Variants in NHSL1 observed in about 807,000 individuals in gnomAD.
NHSL1 encodes NHS-like protein 1.
NHSL1 carries 48 observed loss-of-function variants against 95.0 expected under a neutral mutation model. That is an observed-to-expected ratio of 0.51 (90% CI 0.40 to 0.64). The LOEUF (loss-of-function observed/expected upper bound fraction) is 0.64. NHSL1 is among the 30% of genes least tolerant of loss of function. NHSL1 has a pLI of 0.00. For missense variants in NHSL1, 1,971 were observed against 2,077.7 expected, an observed-to-expected ratio of 0.95 and a Z score of 1.00; for synonymous variants, 783 against 833.9, an observed-to-expected ratio of 0.94 and a Z score of 1.05.
intron 1 of NHSL1, among the ~76,000 whole-genome samples, chr6:138,685,739 G>T (rs1785577284): frequency 6.6e-6 from 1 of 151,636 alleles, no homozygotes; most frequent in African/African-American, 2.4e-5. Flanking sequence ...GAGTCATGAA[G>T]AGTTTATTTC....
At chr6:138,450,981 C>G (rs969883386) in intron 3 of NHSL1, among the ~76,000 whole-genome samples, 1 of 152,162 alleles carries the variant, frequency 6.6e-6, no homozygotes, top group Non-Finnish European at 1.5e-5. Context: ...CCCTTGTTGA[C>G]CATCCTCCCC....
chr6:138,488,241 G>A (rs989535024), intron 2 of NHSL1, among the ~76,000 whole-genome samples: 1 of 151,706 alleles, frequency 6.6e-6, no homozygotes, highest in African/African-American at 2.4e-5. Context: ...TCACACCACT[G>A]CACTCCAGCC....
intron 1 of NHSL1, among the ~76,000 whole-genome samples, chr6:138,639,138 T>C (rs554213384): frequency 1.3e-5 from 2 of 152,360 alleles, no homozygotes; most frequent in Non-Finnish European, 2.9e-5. Flanking sequence ...AAGGAATGTA[T>C]TATTTTTTTA....
intron 1 of NHSL1, among the ~76,000 whole-genome samples, chr6:138,661,128 T>C (rs1420589540): frequency 6.6e-6 from 1 of 152,212 alleles, no homozygotes; most frequent in Non-Finnish European, 1.5e-5. Flanking sequence ...TTTTTTTATG[T>C]ATGTGTATGG....
rs1297215342 is a variant in NHSL1, at chr6:138,513,802, CA to C, written c.17-17432del. Among the ~76,000 whole-genome samples, 5 of 152,212 alleles carry C rather than the reference CA, an allele frequency of 3.3e-5. No individual in the cohort carries two copies. In the East Asian group the frequency reaches 5.8e-4, roughly 18 times the overall value. ...CGAAACCTATACTTTTCTTCTATAT[CA>C]CTACTACTTGTAGTGATTTGTTCAA... On this transcript the variant is annotated intron_variant, in intron 1 of 4. Coordinates refer to the NHSL1 transcript ENST00000342260.
chr6:138,674,208 T>C (rs1785417839), intron 1 of NHSL1, among the ~76,000 whole-genome samples: 1 of 152,226 alleles, frequency 6.6e-6, no homozygotes, highest in Non-Finnish European at 1.5e-5. Context: ...TTTAATTTAC[T>C]GAGAGTTTTT....
intron 1 of NHSL1, among the ~76,000 whole-genome samples, chr6:138,651,917 CTAAATT>C (rs1209974953): frequency 6.6e-6 from 1 of 151,906 alleles, no homozygotes; most frequent in Non-Finnish European, 1.5e-5. Context: ...ATAATTTTAC[CTAAATT>C]TAAAGTAACA....
intron 1 of NHSL1, among the ~76,000 whole-genome samples, chr6:138,598,094 G>A (rs1784324195): frequency 6.6e-6 from 1 of 151,938 alleles, no homozygotes; most frequent in Non-Finnish European, 1.5e-5. Context: ...GGAGCCAGGA[G>A]TTCAGGACCA....
chr6:138,471,743 A>G (rs1290827535), intron 3 of NHSL1, among the ~76,000 whole-genome samples: 7 of 152,156 alleles, frequency 4.6e-5, no homozygotes, highest in African/African-American at 1.4e-4. Context: ...AAGAGTGTAA[A>G]TTTCAAATGT....
chr6:138,671,450 C>CAAA (rs549060407), intron 1 of NHSL1, among the ~76,000 whole-genome samples: 1 of 106,256 alleles, frequency 9.4e-6, no homozygotes. Flanking sequence ...AATCTGTCTC[C>CAAA]AAAAAAAAAA....
At chr6:138,591,225 A>G (rs2114524363) in intron 1 of NHSL1, among the ~76,000 whole-genome samples, 1 of 152,340 alleles carries the variant, frequency 6.6e-6, no homozygotes, top group East Asian at 1.9e-4. Flanking sequence ...GGTGCTAAAT[A>G]TTACACTGTG....
At position 138,433,107 on chromosome 6, in the gene NHSL1, A is replaced by G; in HGVS notation, c.1238T>C (p.Ile413Thr). Residue 413 changes from isoleucine (I) to threonine (T), a missense_variant, in exon 6 of 8, where the codon ATC becomes ACC. Around this residue, in one of 3 missense-constraint regions of NHSL1, gnomAD observed 1,602 missense variants for 1,654.5 expected, o/e 0.97. Coordinates refer to ENST00000343505, the MANE Select transcript of NHSL1 (RefSeq NM_001144060.2). ...AGAGGAAGACAGTGTGGCATTTGGG[A>G]TGATGCTGGTGGAGTAGGTTGCATG... Reference protein sequence around the residue: ...SPHATYSTSIIPNATLSSSSE... With the variant: ...SPHATYSTSITPNATLSSSSE... 1 of 1,550,944 alleles carries G rather than the reference A, an allele frequency of 6.4e-7. No individual in the cohort carries two copies. Among genetic ancestry groups the G allele is most frequent in the Non-Finnish European group, 8.7e-7 (1 of 1,146,898 alleles).
At chr6:138,527,983 ACTTTT>A (rs1241383008) in intron 1 of NHSL1, among the ~76,000 whole-genome samples, 1 of 152,146 alleles carries the variant, frequency 6.6e-6, no homozygotes, top group Non-Finnish European at 1.5e-5. Flanking sequence ...CGAATGCCAG[ACTTTT>A]CTTTTCATTT....
At position 138,424,451 on chromosome 6, in the gene NHSL1, C is replaced by T. The variant is rs774540699; in HGVS notation, c.4451G>A (p.Gly1484Asp). The T allele has an allele frequency of 6.4e-7, 1 of 1,550,800 alleles. No homozygotes were observed. The highest frequency in any genetic ancestry group is 8.7e-7 in the Non-Finnish European group (1 of 1,146,454). ...RAQEEWAKNE[G>D]LMPRSLSFSG... is the part of the protein sequence containing the mutation. ...AAAGGACAGACTCCGAGGCATCAAG[C>T]CTTCGTTCTTGGCCCACTCCTCCTG... is the stretch of plus-strand genomic sequence containing the variant. The change falls in exon 8 of 8, where the codon GGC (glycine) becomes GAC (aspartate). Residue 1484 changes from glycine to aspartate, a missense_variant. This residue lies in a region of NHSL1 where 223 missense variants were observed against 217.0 expected (regional missense o/e 1.03). Transcript: ENST00000343505. This position sits in a 1 kb window ranked among gnomAD's most constrained non-coding sequence, Gnocchi z 5.9.
intron 1 of NHSL1, among the ~76,000 whole-genome samples, chr6:138,617,428 GTTTC>G (rs1229358757): frequency 6.6e-6 from 1 of 152,182 alleles, no homozygotes; most frequent in Non-Finnish European, 1.5e-5. Flanking sequence ...GAAAAGGTCA[GTTTC>G]TTTGTCTCAC....
At chr6:138,614,071 G>C (rs923916338) in intron 1 of NHSL1, among the ~76,000 whole-genome samples, 5 of 152,152 alleles carry the variant, frequency 3.3e-5, no homozygotes, top group African/African-American at 1.2e-4. Flanking sequence ...TTGATGTTTG[G>C]GGGAATGATA....
chr6:138,484,573 C>T (rs1349337228), intron 2 of NHSL1, among the ~76,000 whole-genome samples: 1 of 152,158 alleles, frequency 6.6e-6, no homozygotes, highest in African/African-American at 2.4e-5. Context: ...TGCATTAACA[C>T]ATTTTAGAAA....
chr6:138,431,732 T>C lies in NHSL1; in HGVS notation c.2613A>G (p.Ser871=). The change falls in exon 6 of 8, where the codon TCA becomes TCG. Residue 871 remains serine, a synonymous_variant. Transcript: ENST00000343505. The surrounding 1 kb of genome is among the most constrained non-coding windows in gnomAD (Gnocchi z 4.0). ...TCCCCTTCCCGTTTGCTGGTGACACTGATTTTAAAAACACAGGCACAGGGG... is the reference window on the plus strand; with the variant it reads ...TCCCCTTCCCGTTTGCTGGTGACACCGATTTTAAAAACACAGGCACAGGGG... ...ALTPVPVFLK[S]VSPANGKGKP... The C allele has an allele frequency of 6.4e-7, 1 of 1,551,754 alleles. No individual in the cohort carries two copies. The highest frequency in any genetic ancestry group is 8.7e-7 in the Non-Finnish European group (1 of 1,146,974).
At chr6:138,527,988 T>A (rs916895184) in intron 1 of NHSL1, among the ~76,000 whole-genome samples, 3 of 152,208 alleles carry the variant, frequency 2.0e-5, no homozygotes, top group African/African-American at 7.2e-5. Context: ...GCCAGACTTT[T>A]CTTTTCATTT....
Sources: gnomAD v4.1 joint callset for allele counts (sites outside exome capture counted in the v4.1 genomes callset) on GRCh38, gnomAD v4.1.1 for gene constraint, gnomAD v4.1.1 regional missense constraint, Gnocchi (gnomAD v3.1) non-coding constraint, MANE v1.5 for transcripts, NCBI Gene and HGNC (gene_info 2026-07-23, HGNC 2026-07-21) for gene names.